The following CALN1 variants were observed in gnomAD, a reference collection of about 807,000 sequenced individuals.
The protein encoded by CALN1 is calcium-binding protein 8.
Under a neutral mutation model 30.6 loss-of-function variants are expected in CALN1, and 17 were observed. The observed-to-expected ratio is 0.56, with a 90% CI of 0.38 to 0.83. CALN1 has a LOEUF of 0.83. Ranked by LOEUF, CALN1 falls within the 40% of genes least tolerant of loss-of-function variation. The pLI is 0.00. For synonymous variants in CALN1, 156 were observed against 131.4 expected, an observed-to-expected ratio of 1.19 and a Z score of -1.28; for missense variants, 291 against 354.9, an observed-to-expected ratio of 0.82 and a Z score of 1.45.
chr7:72,500,084 G>A, the CALN1 span, among the ~76,000 whole-genome samples: 1 of 149,484 alleles, frequency 6.7e-6, no homozygotes, highest in East Asian at 2.0e-4. Context: ...GCTAATTTTT[G>A]TATTTTTAGT....
the CALN1 span, among the ~76,000 whole-genome samples, chr7:72,477,128 A>G: frequency 1.3e-5 from 2 of 152,150 alleles, no homozygotes; most frequent in African/African-American, 4.8e-5. Context: ...GGAGAACTGC[A>G]TGAACCCAGG....
intron 6 of CALN1, among the ~76,000 whole-genome samples, chr7:71,790,105 G>GGAGA (rs565036407): frequency 1.4e-5 from 2 of 147,552 alleles, no homozygotes; most frequent in South Asian, 2.2e-4. Context: ...AGACCCTGCA[G>GGAGA]GAGAGAGAGA....
intron 3 of CALN1, among the ~76,000 whole-genome samples, chr7:72,218,897 G>T (rs1482768668): frequency 6.6e-6 from 1 of 152,160 alleles, no homozygotes; most frequent in African/African-American, 2.4e-5. Context: ...GATCTGGCCG[G>T]CAGGTAAAAA....
intron 3 of CALN1, among the ~76,000 whole-genome samples, chr7:72,233,725 C>G (rs187502116): frequency 6.6e-6 from 1 of 151,930 alleles, no homozygotes. Context: ...TAAATTAGGC[C>G]AGGCATGCTG....
intron 3 of CALN1, among the ~76,000 whole-genome samples, chr7:72,113,024 G>T (rs1254868259): frequency 6.6e-6 from 1 of 152,120 alleles, no homozygotes; most frequent in Non-Finnish European, 1.5e-5. Context: ...CTGGCTGCCC[G>T]GTGGGTGGAG....
intron 5 of CALN1, among the ~76,000 whole-genome samples, chr7:71,884,572 T>G (rs566946090): frequency 3.4e-4 from 52 of 152,178 alleles, no homozygotes; most frequent in South Asian, 3.1e-3. Flanking sequence ...AGTCACCTTT[T>G]AAAAATAATA....
chr7:71,823,962 G>A (rs1238658039), intron 5 of CALN1, among the ~76,000 whole-genome samples: 3 of 152,102 alleles, frequency 2.0e-5, no homozygotes, highest in Admixed American at 6.5e-5. Context: ...CATGAGAACA[G>A]TATGGGAAAG....
intron 5 of CALN1, among the ~76,000 whole-genome samples, chr7:71,934,973 T>C (rs1398235498): frequency 1.3e-5 from 2 of 151,926 alleles, no homozygotes; most frequent in Non-Finnish European, 1.5e-5. Flanking sequence ...ACCCCCATGA[T>C]TCAATTACCT....
At chr7:71,898,114 G>A (rs1793650516) in intron 5 of CALN1, among the ~76,000 whole-genome samples, 1 of 151,610 alleles carries the variant, frequency 6.6e-6, no homozygotes, top group African/African-American at 2.4e-5. Context: ...TGGATCACCT[G>A]AGGTCAGGAG....
chr7:72,385,352 G>T (rs986327608), intron 2 of CALN1, among the ~76,000 whole-genome samples: 10 of 152,150 alleles, frequency 6.6e-5, no homozygotes, highest in African/African-American at 2.4e-4. Flanking sequence ...ACATGCAAAT[G>T]TTTATAGCAG....
At chr7:71,947,380 T>C (rs1796459415) in intron 5 of CALN1, among the ~76,000 whole-genome samples, 1 of 152,064 alleles carries the variant, frequency 6.6e-6, no homozygotes, top group Non-Finnish European at 1.5e-5. Flanking sequence ...TTTACAGAAA[T>C]GGACAGAGAA....
At chr7:72,418,080 T>A (rs1007653442) in intron 1 of CALN1, among the ~76,000 whole-genome samples, 1 of 152,300 alleles carries the variant, frequency 6.6e-6, no homozygotes, top group South Asian at 2.1e-4. Flanking sequence ...GCAAGCATAG[T>A]ACCCAATAGG....
At chr7:71,846,632 C>G (rs1025250553) in intron 5 of CALN1, among the ~76,000 whole-genome samples, 7 of 151,380 alleles carry the variant, frequency 4.6e-5, no homozygotes, top group African/African-American at 2.4e-5. Flanking sequence ...GGGTAACCCT[C>G]CTTCTATTGT....
rs781291464 is a variant in CALN1, at chr7:72,388,099, GAAGA to G, written c.119+15148_119+15151del. Among the ~76,000 whole-genome samples, 7 of 152,154 alleles carry G rather than the reference GAAGA, an allele frequency of 4.6e-5. No individual in the cohort carries two copies. The East Asian group carries it at 9.6e-4, about 21-fold the overall frequency. The stretch of plus-strand genomic sequence containing the variant: ...AAATTGCTTTTGCACCAACCTAGTA[GAAGA>G]AAGGACTTTTTAAAATGTTCTTCCA... On this transcript the variant is annotated intron_variant, in intron 2 of 6. Coordinates refer to ENST00000395275, the MANE Select transcript of CALN1 (RefSeq NM_031468.4).
At chr7:72,188,762 C>A (rs762305445) in intron 3 of CALN1, among the ~76,000 whole-genome samples, 1 of 152,120 alleles carries the variant, frequency 6.6e-6, no homozygotes, top group Non-Finnish European at 1.5e-5. Flanking sequence ...ACCCATCCTG[C>A]AATATTTTAT....
chr7:71,911,709 G>A (rs139258523), intron 5 of CALN1, among the ~76,000 whole-genome samples: 24 of 152,164 alleles, frequency 1.6e-4, no homozygotes, highest in Admixed American at 1.0e-3. Context: ...TTAAAATTCT[G>A]CCTAGAATGA....
intron 5 of CALN1, among the ~76,000 whole-genome samples, chr7:71,953,730 AG>A (rs1304915049): frequency 6.6e-6 from 1 of 152,006 alleles, no homozygotes; most frequent in Non-Finnish European, 1.5e-5. Context: ...TGGGGACCCA[AG>A]GGCCAGCAGG....
At position 72,118,668 on chromosome 7, in the gene CALN1, C is replaced by T. The variant is rs564777107; in HGVS notation, c.245-12374G>A. 9.2e-5 allele frequency among the ~76,000 whole-genome samples: 14 copies of T among 152,248 alleles called. No homozygotes were observed. In the East Asian group the frequency reaches 2.7e-3, roughly 29 times the overall value. ...AGATACTGAAAGCTCCAGGCAGGGC[C>T]AAAAGGAAAATGAGTGGATGAGATT... On this transcript the variant is annotated intron_variant, in intron 3 of 6. Transcript: ENST00000395275.
intron 5 of CALN1, among the ~76,000 whole-genome samples, chr7:71,915,152 C>A (rs1003688842): frequency 6.6e-5 from 10 of 152,136 alleles, no homozygotes; most frequent in African/African-American, 2.4e-4. Flanking sequence ...CCTTTTGCAA[C>A]CTGAATTCTC....
Sources: gnomAD v4.1 joint callset for allele counts (sites outside exome capture counted in the v4.1 genomes callset) on GRCh38, gnomAD v4.1.1 for gene constraint, MANE v1.5 for transcripts, NCBI Gene and HGNC (gene_info 2026-07-23, HGNC 2026-07-21) for gene names.